Variants in DYNC2I1 observed in about 807,000 individuals in gnomAD.
DYNC2I1 encodes dynein 2 intermediate chain 1.
Under a neutral mutation model 133.4 loss-of-function variants are expected in DYNC2I1, and 89 were observed. The ratio of observed to expected loss-of-function variants is 0.67; its 90% confidence interval spans 0.56 to 0.80. The LOEUF (loss-of-function observed/expected upper bound fraction) is 0.80. Among genes scored for constraint, DYNC2I1 ranks in the 30% least tolerant of loss-of-function variants. The probability of loss-of-function intolerance (pLI) is 0.00; values close to 1 mark genes in which losing one functional copy is unlikely to be tolerated. For missense variants in DYNC2I1, 1,291 were observed against 1,314.5 expected (o/e 0.98, Z 0.28); for synonymous variants, 504 against 484.3 (o/e 1.04, Z -0.54).
intron 7 of DYNC2I1, 66 bp from the exon 8 acceptor site, chr7:158,891,199 C>A (rs942869001): frequency 3.2e-6 from 5 of 1,568,314 alleles, no homozygotes; most frequent in African/African-American, 1.4e-5. Flanking sequence ...TGGGGGGGAG[C>A]TGCGTGGCGT....
chr7:158,939,586 C>A (rs1563205857), intron 23 of DYNC2I1, among the ~76,000 whole-genome samples: 1 of 152,146 alleles, frequency 6.6e-6, no homozygotes, highest in Admixed American at 6.5e-5. Flanking sequence ...AAGCAGAAAT[C>A]AAGCAACAAA....
intron 20 of DYNC2I1, 63 bp from the exon 21 acceptor site, chr7:158,930,392 A>G (rs114018982): frequency 7.1e-7 from 1 of 1,399,676 alleles, no homozygotes; most frequent in East Asian, 2.4e-5. Context: ...CCAGGCAACT[A>G]TAACTAGATT....
chr7:158,849,688 G>T, the DYNC2I1 span, among the ~76,000 whole-genome samples: 1 of 152,216 alleles, frequency 6.6e-6, no homozygotes, highest in Admixed American at 6.5e-5. Flanking sequence ...GCTCTCAGCG[G>T]AGAGGAGGCT....
Position 158,884,565 on chromosome 7 carries a change from A to G in DYNC2I1, c.881A>G (p.Asn294Ser). The G allele has an allele frequency of 6.2e-7, 1 of 1,611,178 alleles. No individual in the cohort carries two copies. Among genetic ancestry groups the G allele is most frequent in the Non-Finnish European group, 8.5e-7 (1 of 1,178,650 alleles). Reference sequence around the variant, plus strand: ...TGGGATTATATTTTTGTTTGATAGAATGGTGAACACAGAAATCGAGGTGCA... The same window carrying G: ...TGGGATTATATTTTTGTTTGATAGAGTGGTGAACACAGAAATCGAGGTGCA... ...KDEPRKRESQ[N>S]GEHRNRGASS... Residue 294 changes from asparagine to serine, a missense_variant and splice_region_variant, in exon 6 of 25, where the codon AAT (asparagine) becomes AGT (serine). Coordinates refer to ENST00000407559, the MANE Select transcript of DYNC2I1 (RefSeq NM_018051.5).
chr7:158,853,430 A>C (rs1299910137), upstream of DYNC2I1, among the ~76,000 whole-genome samples: 1 of 152,096 alleles, frequency 6.6e-6, no homozygotes, highest in South Asian at 2.1e-4. Context: ...GAAGCCTGCT[A>C]CCTGGAGGCC....
intron 4 of DYNC2I1, among the ~76,000 whole-genome samples, chr7:158,956,162 T>C (rs1852192707): frequency 6.6e-6 from 1 of 152,228 alleles, no homozygotes; most frequent in African/African-American, 2.4e-5. Context: ...AGAGAGAGTT[T>C]TCCTGGGACA....
intron 22 of DYNC2I1, 47 bp from the exon 23 acceptor site, chr7:158,934,371 C>T (rs531896803): frequency 2.8e-5 from 44 of 1,585,462 alleles, no homozygotes; most frequent in South Asian, 2.6e-4. Flanking sequence ...TATCCAATCT[C>T]GTGTGTAATG....
intron 8 of DYNC2I1, among the ~76,000 whole-genome samples, chr7:158,894,112 T>TGCATATCCTACTGCATATCCTACC (rs1554455761): frequency 0.01 from 502 of 48,684 alleles, no homozygotes; most frequent in Non-Finnish European, 0.024. Context: ...CATATCCTAC[T>TGCATATCCTACTGCATATCCTACC]GCATATCCTA....
At chr7:158,855,661 T>C (rs1467215027), upstream of DYNC2I1, among the ~76,000 whole-genome samples, 1 of 152,216 alleles carries the variant, frequency 6.6e-6, no homozygotes, top group East Asian at 1.9e-4. Flanking sequence ...CAAGCACAGC[T>C]TGGAGGTCAG....
chr7:158,871,493 C>A lies in DYNC2I1; in HGVS notation c.421C>A (p.His141Asn). 6.5e-7 allele frequency: 1 copy of A among 1,547,784 alleles called. No homozygotes were observed. The highest frequency in any genetic ancestry group is 8.7e-7 in the Non-Finnish European group (1 of 1,146,844). Residue 141 changes from histidine to asparagine, a missense_variant, in exon 3 of 25, where the codon CAC (histidine) becomes AAC (asparagine). Transcript: ENST00000407559. ...AGAGCTCCGGCAGACCGTGGCCCAC[C>A]ACAACCTGCTGGGCCAGGAGACACG... The part of the protein sequence containing the change: ...KEELRQTVAH[H>N]NLLGQETRDR...
chr7:158,890,855 T>TG (rs1468438945), intron 7 of DYNC2I1, among the ~76,000 whole-genome samples: 1 of 152,190 alleles, frequency 6.6e-6, no homozygotes, highest in Non-Finnish European at 1.5e-5. Flanking sequence ...ATTAGAGGCG[T>TG]GAACCACTGT....
At chr7:158,860,996 G>C (rs957309374) in intron 1 of DYNC2I1, among the ~76,000 whole-genome samples, 1 of 152,220 alleles carries the variant, frequency 6.6e-6, no homozygotes, top group Non-Finnish European at 1.5e-5. Flanking sequence ...TCAAAGCCCT[G>C]TGCTGATTCT....
intron 6 of DYNC2I1, among the ~76,000 whole-genome samples, chr7:158,886,282 C>T (rs1844596154): frequency 6.6e-6 from 1 of 152,014 alleles, no homozygotes; most frequent in Admixed American, 6.6e-5. Flanking sequence ...CAGGCACACG[C>T]CACCACGCCT....
intron 9 of DYNC2I1, among the ~76,000 whole-genome samples, chr7:158,902,066 T>C (rs1025366702): frequency 7.2e-5 from 11 of 152,252 alleles, no homozygotes; most frequent in African/African-American, 2.4e-4. Flanking sequence ...TAAAAAGATG[T>C]ATACATAGGT....
At chr7:158,899,341 T>TAC (rs1206804180) in intron 8 of DYNC2I1, among the ~76,000 whole-genome samples, 1 of 152,140 alleles carries the variant, frequency 6.6e-6, no homozygotes, top group South Asian at 2.1e-4. Context: ...CAAACACACA[T>TAC]ACACACACAC....
At chr7:158,922,300 A>T in intron 15 of DYNC2I1, 77 bp from the exon 16 acceptor site, 2 of 1,416,256 alleles carry the variant, frequency 1.4e-6, no homozygotes, top group Admixed American at 4.4e-5. Context: ...TTTTTTTTTG[A>T]GTATTCGGAA....
chr7:158,896,855 AT>A (rs978932075), intron 8 of DYNC2I1, among the ~76,000 whole-genome samples: 1 of 133,288 alleles, frequency 7.5e-6, no homozygotes, highest in African/African-American at 3.0e-5. Flanking sequence ...CGTGAATGAT[AT>A]TGGTCTGTAG....
upstream of DYNC2I1, among the ~76,000 whole-genome samples, chr7:158,855,283 T>C (rs531215750): frequency 7.8e-4 from 119 of 152,202 alleles, no homozygotes; most frequent in African/African-American, 2.6e-3. Context: ...GATGAAATCA[T>C]AGGGAGTCAA....
At chr7:158,912,263 G>A (rs1342099768) in intron 12 of DYNC2I1, among the ~76,000 whole-genome samples, 1 of 152,048 alleles carries the variant, frequency 6.6e-6, no homozygotes, top group African/African-American at 2.4e-5. Flanking sequence ...TTCATTATGT[G>A]ATGGTCTCAC....
Sources: gnomAD v4.1 joint callset for allele counts (sites outside exome capture counted in the v4.1 genomes callset) on GRCh38, gnomAD v4.1.1 for gene constraint, MANE v1.5 for transcripts, NCBI Gene and HGNC (gene_info 2026-07-23, HGNC 2026-07-21) for gene names.